RSRC2: variants seen among roughly 807,000 people sequenced by gnomAD.
RSRC2 encodes the protein arginine/serine-rich coiled-coil protein 2.
Under a neutral mutation model 61.3 loss-of-function variants are expected in RSRC2, and 5 were observed. The ratio of observed to expected loss-of-function variants is 0.08; its 90% CI spans 0.04 to 0.17. The LOEUF (loss-of-function observed/expected upper bound fraction) is 0.17. Ranked by LOEUF, RSRC2 falls within the 10% of genes least tolerant of loss-of-function variation. The pLI is 1.00. For missense variants in RSRC2, 381 were observed against 518.8 expected (o/e 0.73, Z 2.58); for synonymous variants, 202 against 166.5 (o/e 1.21, Z -1.64).
At chr12:122,508,476 T>TTA (rs1958266376) in intron 7 of RSRC2, 29 bp from the exon 8 acceptor site, 3 of 1,527,336 alleles carry the variant, frequency 2.0e-6, no homozygotes, top group Non-Finnish European at 2.7e-6. Context: ...AAAATGGATT[T>TTA]TAAAACGATT....
intron 7 of RSRC2, among the ~76,000 whole-genome samples, chr12:122,510,254 G>A (rs1022917046): frequency 5.3e-5 from 8 of 152,158 alleles, no homozygotes; most frequent in East Asian, 3.9e-4. Flanking sequence ...ATCTGGGGCC[G>A]GGCGTGGTGG....
intron 1 of RSRC2, chr12:122,523,428 A>C (rs1335538726): frequency 6.6e-6 from 1 of 152,242 alleles, no homozygotes; most frequent in Admixed American, 6.5e-5. Flanking sequence ...AGACAGGAGA[A>C]TGGCTTGAAC....
At chr12:122,508,149 C>A (rs984833696) in intron 8 of RSRC2, 69 bp downstream of exon 8, 8 of 1,385,108 alleles carry the variant, frequency 5.8e-6, no homozygotes, top group South Asian at 1.2e-5. Context: ...ATTTTTCAAC[C>A]CAAATTTGTT....
rs1958016528 is a variant in RSRC2, at chr12:122,504,730, T to C, written c.*797A>G. ...AGCAAAAAGCATGCAAAGAACTTGT[T>C]ATAAGGCACTTTATTAAAATAAAAG... is the stretch of plus-strand genomic sequence containing the variant. On this transcript the variant is annotated 3_prime_UTR_variant, in exon 10 of 10. Coordinates refer to ENST00000331738, the MANE Select transcript of RSRC2 (RefSeq NM_023012.6). 1 of 152,672 alleles carries C rather than the reference T, an allele frequency of 6.5e-6. No homozygotes were observed. Among genetic ancestry groups the C allele is most frequent in the Non-Finnish European group, 1.5e-5 (1 of 68,046 alleles). 9.5% of individuals were successfully genotyped at this position (152,672 alleles called of 1,614,324 possible).
intron 6 of RSRC2, among the ~76,000 whole-genome samples, chr12:122,512,838 A>G (rs954985616): frequency 1.3e-5 from 2 of 152,194 alleles, no homozygotes; most frequent in Admixed American, 6.6e-5. Context: ...CATGGAAGGC[A>G]TAACATAGAC....
At chr12:122,522,325 A>C in intron 1 of RSRC2, 26 bp from the exon 2 acceptor site, 1 of 1,563,226 alleles carries the variant, frequency 6.4e-7, no homozygotes, top group Non-Finnish European at 8.6e-7. Flanking sequence ...CAAATGATTA[A>C]AGTTCTTAAT....
intron 7 of RSRC2, 57 bp from the exon 8 acceptor site, chr12:122,508,504 T>C: frequency 7.7e-7 from 1 of 1,305,598 alleles, no homozygotes; most frequent in Non-Finnish European, 1.1e-6. Context: ...ATAAACCTCC[T>C]GATTTACATT....
intron 2 of RSRC2, among the ~76,000 whole-genome samples, chr12:122,521,870 G>A (rs1418022672): frequency 3.9e-5 from 6 of 152,316 alleles, no homozygotes; most frequent in South Asian, 2.1e-4. Flanking sequence ...GCGTGGTGGC[G>A]CACGCCTATA....
At chr12:122,516,630 T>C (rs1175723714) in intron 5 of RSRC2, among the ~76,000 whole-genome samples, 2 of 152,196 alleles carry the variant, frequency 1.3e-5, no homozygotes, top group African/African-American at 2.4e-5. Context: ...ATGGTAAGTA[T>C]GCAAAAGGAG....
chr12:122,512,649 T>C (rs930064755), intron 6 of RSRC2, among the ~76,000 whole-genome samples: 1 of 151,056 alleles, frequency 6.6e-6, no homozygotes, highest in Non-Finnish European at 1.5e-5. Context: ...GGAGAATCGC[T>C]TGAACCCAGG....
chr12:122,514,527 A>G (rs1246050363), intron 6 of RSRC2: 2 of 917,768 alleles, frequency 2.2e-6, no homozygotes, highest in African/African-American at 3.6e-5. Context: ...CGGCCTCCCA[A>G]AATGCCGGGA....
At chr12:122,523,116 T>C (rs1181489019) in intron 1 of RSRC2, 2 of 152,234 alleles carry the variant, frequency 1.3e-5, no homozygotes, top group South Asian at 2.1e-4. Context: ...TGTTTCTGTA[T>C]GGCCTTGAGC....
chr12:122,520,990 G>A (rs1243954533), intron 3 of RSRC2: 1 of 215,060 alleles, frequency 4.6e-6, no homozygotes, highest in Non-Finnish European at 9.5e-6. Context: ...TCGTTCATAA[G>A]GAAAAAGCAG....
In RSRC2 at chr12:122,505,516, T is replaced by C; in HGVS notation, c.*11A>G. The C allele has an allele frequency of 6.2e-7, 1 of 1,611,732 alleles. No individual in the cohort carries two copies. Among genetic ancestry groups the C allele is most frequent in the Non-Finnish European group, 8.5e-7 (1 of 1,178,476 alleles). ...GTCTATAAGTCCCAAACTTTACAAG[T>C]GTGATCATTTTCAAACTGCATCCAT... is the stretch of plus-strand genomic sequence containing the variant. On this transcript the variant is annotated 3_prime_UTR_variant, in exon 10 of 10. Coordinates refer to ENST00000331738, the MANE Select transcript of RSRC2 (RefSeq NM_023012.6).
intron 6 of RSRC2, 40 bp downstream of exon 6, chr12:122,515,060 TATTTA>T (rs1958806857): frequency 6.3e-7 from 1 of 1,592,852 alleles, no homozygotes. Context: ...ATTGAGCATT[TATTTA>T]AAGGCGAACT....
chr12:122,516,058 G>A (rs1183635391), intron 5 of RSRC2, among the ~76,000 whole-genome samples: 1 of 152,028 alleles, frequency 6.6e-6, no homozygotes, highest in African/African-American at 2.4e-5. Context: ...AATTGGTAAG[G>A]TTCAAAGTAG....
rs955063795 is a variant in RSRC2, at chr12:122,504,690, T to G, written c.*837A>C. The G allele has an allele frequency of 3.9e-5, 6 of 152,612 alleles. No individual in the cohort carries two copies. Among genetic ancestry groups the G allele is most frequent in the Admixed American group, 3.3e-4 (5 of 15,268 alleles). The allele number at this position is 152,612 out of a possible 1,614,324, so 9.5% of individuals were successfully genotyped here. Reference sequence around the variant, plus strand: ...TTTTATAGTCTATGCTGGAGAAGACTTCAAAGGGATAATGAGCAAAAAGCA... The same window carrying G: ...TTTTATAGTCTATGCTGGAGAAGACGTCAAAGGGATAATGAGCAAAAAGCA... On this transcript the variant is annotated 3_prime_UTR_variant, in exon 10 of 10. Transcript: ENST00000331738.
At chr12:122,515,363 C>T in intron 5 of RSRC2, 136 bp from the exon 6 acceptor site, 1 of 811,662 alleles carries the variant, frequency 1.2e-6, no homozygotes, top group Non-Finnish European at 1.9e-6. Flanking sequence ...TTTAAAACAT[C>T]AGTGTTACAG....
chr12:122,525,616 AATG>A (rs2137574981), intron 1 of RSRC2, among the ~76,000 whole-genome samples: 1 of 152,268 alleles, frequency 6.6e-6, no homozygotes, highest in Admixed American at 6.5e-5. Flanking sequence ...TATTATCGAA[AATG>A]ATGTAATTTT....
Sources: allele counts gnomAD v4.1 joint callset (sites outside exome capture counted in the v4.1 genomes callset), GRCh38; gene constraint gnomAD v4.1.1; transcripts MANE v1.5; gene names NCBI Gene and HGNC (gene_info 2026-07-23, HGNC 2026-07-21).